The following GDF7 variants were observed in gnomAD, a reference collection of about 807,000 sequenced individuals.
The protein encoded by GDF7 is growth/differentiation factor 7.
In GDF7, 12 loss-of-function variants were observed where a neutral mutation model predicts 13.4. That is an observed-to-expected ratio of 0.90 (90% CI 0.57 to 1.45). GDF7 has a LOEUF of 1.45. Ranked by LOEUF, GDF7 falls within the 40% of genes most tolerant of loss-of-function variation. The pLI, the probability that GDF7 is intolerant of heterozygous loss-of-function variation, is 0.00. For synonymous variants in GDF7, 330 were observed against 306.4 expected (o/e 1.08, Z -0.80); for missense variants, 651 against 652.4 (o/e 1.00, Z 0.02).
At position 20,676,299 on chromosome 2, in the gene GDF7, A is replaced by G. The variant is rs963866537; in HGVS notation, c.*4874A>G. ...TTTTGTGGTCTGGAGAAGTTAACAT[A>G]AAGAAGCACCAGAAGGGAGGACCCA... On this transcript the variant is annotated 3_prime_UTR_variant, in exon 2 of 2. Transcript: ENST00000272224. The G allele has an allele frequency of 1.3e-5, 2 of 152,248 alleles. No individual in the cohort carries two copies. The highest frequency in any genetic ancestry group is 4.8e-5 in the African/African-American group (2 of 41,460). The allele number at this position is 152,248 out of a possible 1,614,324, so 9.4% of individuals were successfully genotyped here.
chr2:20,668,172 TAAC>T (rs1696002727), intron 1 of GDF7, among the ~76,000 whole-genome samples: 1 of 152,148 alleles, frequency 6.6e-6, no homozygotes, highest in African/African-American at 2.4e-5. Context: ...GCTGGTGGCA[TAAC>T]CAGGTATGAG....
At chr2:20,669,380 C>T (rs1038206911) in intron 1 of GDF7, among the ~76,000 whole-genome samples, 2 of 152,140 alleles carry the variant, frequency 1.3e-5, no homozygotes, top group African/African-American at 4.8e-5. Context: ...CATATGACCC[C>T]CTTCAAAGGG....
At position 20,670,745 on chromosome 2, in the gene GDF7, C is replaced by T. The variant is rs1558362129; in HGVS notation, c.673C>T (p.Arg225Cys). ...DAMRRHRREPRPPRAFCLLLR... is the reference protein window; with the variant it reads ...DAMRRHRREPCPPRAFCLLLR... ...CATGAGGCGCCACCGTCGTGAACCG[C>T]GCCCCCCCCGCGCGTTCTGCCTCTT... Residue 225 changes from arginine (R) to cysteine (C), a missense_variant, in exon 2 of 2, where the codon CGC becomes TGC. Around this residue, in one of 4 missense-constraint regions of GDF7, gnomAD observed 487 missense variants for 445.9 expected, o/e 1.09. Coordinates refer to ENST00000272224, the MANE Select transcript of GDF7 (RefSeq NM_182828.4). The T allele has an allele frequency of 6.7e-7, 1 of 1,482,796 alleles. No individual in the cohort carries two copies. Among genetic ancestry groups the T allele is most frequent in the South Asian group, 1.3e-5 (1 of 76,780 alleles). The allele number at this position is 1,482,796 out of a possible 1,614,324, so 91.9% of individuals were successfully genotyped here.
Position 20,670,975 on chromosome 2 carries a change from C to A in GDF7, c.903C>A (p.Pro301=). The change falls in exon 2 of 2, where the codon CCC becomes CCA. Residue 301 remains proline (P), a synonymous_variant. Transcript: ENST00000272224. ...CCGCTCTGGCCTCAGAGCCGCTGCC[C>A]GACCCAGGAACCGGCACCGCGTCGC... is the stretch of plus-strand genomic sequence containing the variant. The part of the protein sequence containing the change: ...LGAALASEPL[P]DPGTGTASPR... The A allele has an allele frequency of 6.4e-7, 1 of 1,557,580 alleles. No individual in the cohort carries two copies. The highest frequency in any genetic ancestry group is 1.4e-5 in the African/African-American group (1 of 71,310).
chr2:20,670,621 C>T lies in GDF7; in HGVS notation c.549C>T (p.Ser183=). 6.3e-7 allele frequency: 1 copy of T among 1,577,864 alleles called. No individual in the cohort carries two copies. Among genetic ancestry groups the T allele is most frequent in the Non-Finnish European group, 8.6e-7 (1 of 1,164,850 alleles). The change falls in exon 2 of 2, where the codon TCC becomes TCT. Residue 183 remains serine (S), a synonymous_variant. Transcript: ENST00000272224. Reference sequence around the variant, plus strand: ...CTTCTCCGCCGTTGCTGCTGCTGTCCACGTGCCCGGGCGCCGCCCGAGCGC... The same window carrying T: ...CTTCTCCGCCGTTGCTGCTGCTGTCTACGTGCCCGGGCGCCGCCCGAGCGC... The part of the protein sequence containing the change: ...SWTSPPLLLL[S]TCPGAARAPR...
chr2:20,667,144 A>G lies in GDF7; in HGVS notation c.-96A>G. ...GGGGGGCCGCGGGCTGGCCGCGCAC[A>G]CTTCCCCCATTATTAAACACTATGT... is the stretch of plus-strand genomic sequence containing the variant. On this transcript the variant is annotated 5_prime_UTR_variant, in exon 1 of 2. Coordinates refer to ENST00000272224, the MANE Select transcript of GDF7 (RefSeq NM_182828.4). The surrounding 1 kb of genome is among the most constrained non-coding windows in gnomAD (Gnocchi z 6.4). The G allele has an allele frequency of 1.2e-5, 12 of 1,009,086 alleles. No homozygotes were observed. Among genetic ancestry groups the G allele is most frequent in the Non-Finnish European group, 1.4e-5 (12 of 843,052 alleles). The allele number at this position is 1,009,086 out of a possible 1,614,324, so 62.5% of individuals were successfully genotyped here.
rs532621029 is a variant in GDF7 at position 20,667,151 on chromosome 2, C to G, written c.-89C>G. 563 of 1,026,302 alleles carry G rather than the reference C, an allele frequency of 5.5e-4. 15 individuals are homozygous for G. In the East Asian group the frequency reaches 0.034, roughly 63 times the overall value. The allele number at this position is 1,026,302 out of a possible 1,614,324, so 63.6% of individuals were successfully genotyped here. A position where few individuals can be genotyped will look rare whatever the true frequency, so the allele number is the denominator to read the frequency against. On this transcript the variant is annotated 5_prime_UTR_variant, in exon 1 of 2. Coordinates refer to ENST00000272224, the MANE Select transcript of GDF7 (RefSeq NM_182828.4). The surrounding 1 kb of genome is among the most constrained non-coding windows in gnomAD (Gnocchi z 6.4). ...CGCGGGCTGGCCGCGCACACTTCCCCCATTATTAAACACTATGTTCAAAAG... is the reference window on the plus strand; with the variant it reads ...CGCGGGCTGGCCGCGCACACTTCCCGCATTATTAAACACTATGTTCAAAAG...
rs1416286041 is a variant in GDF7 at position 20,671,079 on chromosome 2, G to T, written c.1007G>T (p.Gly336Val). The change falls in exon 2 of 2, where the codon GGC becomes GTC. Residue 336 changes from glycine to valine, a missense_variant. Around this residue, in one of 4 missense-constraint regions of GDF7, gnomAD observed 487 missense variants for 445.9 expected, o/e 1.09. Coordinates refer to ENST00000272224, the MANE Select transcript of GDF7 (RefSeq NM_182828.4). The part of the protein sequence containing the change: ...GTRTAQGSGG[G>V]AGRGHGRRGR... The stretch of plus-strand genomic sequence containing the variant: ...CGGACAGCGCAGGGCAGCGGCGGGG[G>T]CGCGGGCCGGGGCCACGGGCGCAGG... 13 of 1,505,854 alleles carry T rather than the reference G, an allele frequency of 8.6e-6. No individual in the cohort carries two copies. Among genetic ancestry groups the T allele is most frequent in the Non-Finnish European group, 1.2e-5 (13 of 1,129,434 alleles). The allele number at this position is 1,505,854 out of a possible 1,614,324, so 93.3% of individuals were successfully genotyped here. A position where few individuals can be genotyped will look rare whatever the true frequency, so the allele number is the denominator to read the frequency against.
Position 20,667,280 on chromosome 2 carries a change from T to G in GDF7, c.41T>G (p.Leu14Arg). Reference sequence around the variant, plus strand: ...GCCGCCGCGCTGTGCCTTTGGCTGCTGAGCGCCTGCCGCCCCCGCGACGGG... The same window carrying G: ...GCCGCCGCGCTGTGCCTTTGGCTGCGGAGCGCCTGCCGCCCCCGCGACGGG... ...SAAAALCLWL[L>R]SACRPRDGLE... The change falls in exon 1 of 2, where the codon CTG becomes CGG. Residue 14 changes from leucine to arginine, a missense_variant. Transcript: ENST00000272224. This position sits in a 1 kb window ranked among gnomAD's most constrained non-coding sequence, Gnocchi z 6.4. 2 of 1,225,342 alleles carry G rather than the reference T, an allele frequency of 1.6e-6. No homozygotes were observed. Among genetic ancestry groups the G allele is most frequent in the Non-Finnish European group, 2.1e-6 (2 of 974,302 alleles). 75.9% of individuals were successfully genotyped at this position (1,225,342 alleles called of 1,614,324 possible).
Position 20,673,031 on chromosome 2 carries a change from C to A in GDF7, c.*1606C>A, listed in dbSNP as rs1366656705. 2 of 152,198 alleles carry A rather than the reference C, an allele frequency of 1.3e-5. No homozygotes were observed. Among genetic ancestry groups the A allele is most frequent in the East Asian group, 3.9e-4 (2 of 5,166 alleles). 9.4% of individuals were successfully genotyped at this position (152,198 alleles called of 1,614,324 possible). On this transcript the variant is annotated 3_prime_UTR_variant, in exon 2 of 2. Transcript: ENST00000272224. ...TGTGTAGGACTTTCCCCTTCAGAGTCCTGGGGAGCATTATTTCCACCCTGT... is the reference window on the plus strand; with the variant it reads ...TGTGTAGGACTTTCCCCTTCAGAGTACTGGGGAGCATTATTTCCACCCTGT...
chr2:20,670,806 T>G lies in GDF7; in HGVS notation c.734T>G (p.Leu245Trp). Residue 245 changes from leucine to tryptophan, a missense_variant, in exon 2 of 2, where the codon TTG becomes TGG. Physicochemically the swap from Leu to Trp is moderately conservative, Grantham distance 61. Transcript: ENST00000272224. ...GTGGCAGGCCCGGTGCCGAGCCCGT[T>G]GGCACTGCGGCGGCTGGGCTTCGGC... is the stretch of plus-strand genomic sequence containing the variant. ...RAVAGPVPSP[L>W]ALRRLGFGWP... is the part of the protein sequence containing the mutation. 1.3e-6 allele frequency: 2 copies of G among 1,491,468 alleles called. No individual in the cohort carries two copies. The highest frequency in any genetic ancestry group is 1.8e-6 in the Non-Finnish European group (2 of 1,126,726). 92.4% of individuals were successfully genotyped at this position (1,491,468 alleles called of 1,614,324 possible). A position where few individuals can be genotyped will look rare whatever the true frequency, so the allele number is the denominator to read the frequency against.
At chr2:20,668,869 T>TC (rs763709078) in intron 1 of GDF7, among the ~76,000 whole-genome samples, 64 of 152,324 alleles carry the variant, frequency 4.2e-4, no homozygotes, top group Non-Finnish European at 7.2e-4. Flanking sequence ...GATGCTGGGA[T>TC]ACTTATAGGA....
In GDF7 at chr2:20,670,811, C is replaced by A; in HGVS notation, c.739C>A (p.Leu247Met). The change falls in exon 2 of 2, where the codon CTG (leucine) becomes ATG (methionine). Residue 247 changes from leucine to methionine, a missense_variant. Physicochemically the swap from Leu to Met is conservative, Grantham distance 15. Coordinates refer to ENST00000272224, the MANE Select transcript of GDF7 (RefSeq NM_182828.4). ...VAGPVPSPLA[L>M]RRLGFGWPGG... ...AGGCCCGGTGCCGAGCCCGTTGGCA[C>A]TGCGGCGGCTGGGCTTCGGCTGGCC... The A allele has an allele frequency of 6.7e-7, 1 of 1,493,114 alleles. No individual in the cohort carries two copies. Among genetic ancestry groups the A allele is most frequent in the Non-Finnish European group, 8.9e-7 (1 of 1,127,704 alleles). The allele number at this position is 1,493,114 out of a possible 1,614,324, so 92.5% of individuals were successfully genotyped here.
In GDF7 at chr2:20,670,968, C is replaced by G. The variant is rs773731397; in HGVS notation, c.896C>G (p.Pro299Arg). Residue 299 changes from proline to arginine, a missense_variant, in exon 2 of 2, where the codon CCG becomes CGG. Transcript: ENST00000272224. ...RALGAALASE[P>R]LPDPGTGTAS... ...CTCGGGGCCGCTCTGGCCTCAGAGC[C>G]GCTGCCCGACCCAGGAACCGGCACC... is the stretch of plus-strand genomic sequence containing the variant. The G allele has an allele frequency of 1.3e-6, 2 of 1,558,442 alleles. No individual in the cohort carries two copies. The highest frequency in any genetic ancestry group is 1.8e-5 in the Admixed American group (1 of 56,624).
rs767568378 is a variant in GDF7, at chr2:20,671,455, G to A, written c.*30G>A. 1 of 1,595,546 alleles carries A rather than the reference G, an allele frequency of 6.3e-7. No individual in the cohort carries two copies. Among genetic ancestry groups the A allele is most frequent in the Non-Finnish European group, 8.5e-7 (1 of 1,170,856 alleles). On this transcript the variant is annotated 3_prime_UTR_variant, in exon 2 of 2. Transcript: ENST00000272224. ...AGGGCCGGGGAGGGGGCAGCCACGC[G>A]GCCGAGGATCCCCAGCTGATGAGCA...
Position 20,673,242 on chromosome 2 carries a change from T to C in GDF7, c.*1817T>C, listed in dbSNP as rs1662162147. 2 of 150,830 alleles carry C rather than the reference T, an allele frequency of 1.3e-5. No individual in the cohort carries two copies. The highest frequency in any genetic ancestry group is 6.6e-5 in the Admixed American group (1 of 15,190). The allele number at this position is 150,830 out of a possible 1,614,324, so 9.3% of individuals were successfully genotyped here. ...GTGTAAATTACTCTTAAAATTAAGA[T>C]TCCCCCCTTCCTCCTATTATGTGAA... is the stretch of plus-strand genomic sequence containing the variant. On this transcript the variant is annotated 3_prime_UTR_variant, in exon 2 of 2. Transcript: ENST00000272224.
chr2:20,670,947 G>A lies in GDF7; in HGVS notation c.875G>A (p.Gly292Glu). Residue 292 changes from glycine to glutamate, a missense_variant, in exon 2 of 2, where the codon GGG (glycine) becomes GAG (glutamate). Physicochemically the swap from Gly to Glu is moderately conservative, Grantham distance 98 (BLOSUM62 -2). Around this residue, in one of 4 missense-constraint regions of GDF7, gnomAD observed 487 missense variants for 445.9 expected, o/e 1.09. Transcript: ENST00000272224. Reference sequence around the variant, plus strand: ...ATCCGCGCCCAGGCCCGCGCGCTCGGGGCCGCTCTGGCCTCAGAGCCGCTG... The same window carrying A: ...ATCCGCGCCCAGGCCCGCGCGCTCGAGGCCGCTCTGGCCTCAGAGCCGCTG... ...REIRAQARAL[G>E]AALASEPLPD... 1 of 1,568,320 alleles carries A rather than the reference G, an allele frequency of 6.4e-7. No individual in the cohort carries two copies. The highest frequency in any genetic ancestry group is 8.6e-7 in the Non-Finnish European group (1 of 1,165,564).
chr2:20,670,726 G>T lies in GDF7; in HGVS notation c.654G>T (p.Arg218Ser), dbSNP rs747843650. 4 of 1,480,800 alleles carry T rather than the reference G, an allele frequency of 2.7e-6. No homozygotes were observed. The South Asian group carries it at 5.2e-5, about 19-fold the overall frequency. 91.7% of individuals were successfully genotyped at this position (1,480,800 alleles called of 1,614,324 possible). A position where few individuals can be genotyped will look rare whatever the true frequency, so the allele number is the denominator to read the frequency against. Residue 218 changes from arginine (R) to serine (S), a missense_variant, in exon 2 of 2, where the codon AGG becomes AGT. Arg to Ser is a moderately radical substitution (Grantham distance 110, BLOSUM62 -1). Around this residue, in one of 4 missense-constraint regions of GDF7, gnomAD observed 487 missense variants for 445.9 expected, o/e 1.09. Coordinates refer to ENST00000272224, the MANE Select transcript of GDF7 (RefSeq NM_182828.4). ...WEAFDVADAMRRHRREPRPPR... is the reference protein window; with the variant it reads ...WEAFDVADAMSRHRREPRPPR... ...CGTTCGACGTGGCGGACGCCATGAGGCGCCACCGTCGTGAACCGCGCCCCC... is the reference window on the plus strand; with the variant it reads ...CGTTCGACGTGGCGGACGCCATGAGTCGCCACCGTCGTGAACCGCGCCCCC...
At chr2:20,669,342 C>G (rs1321288974) in intron 1 of GDF7, among the ~76,000 whole-genome samples, 1 of 152,152 alleles carries the variant, frequency 6.6e-6, no homozygotes, top group Admixed American at 6.5e-5. Flanking sequence ...TCTGCATAGT[C>G]TCTCCGAGTT....
Sources: allele counts gnomAD v4.1 joint callset (sites outside exome capture counted in the v4.1 genomes callset), GRCh38; gene constraint gnomAD v4.1.1; regional missense constraint gnomAD v4.1.1; non-coding constraint Gnocchi (gnomAD v3.1); transcripts MANE v1.5; gene names NCBI Gene and HGNC (gene_info 2026-07-23, HGNC 2026-07-21).